ARFGAP3: variants seen among roughly 807,000 people sequenced by gnomAD.
ARFGAP3 encodes the protein ARF GTPase activating protein 3.
Under a neutral mutation model 75.0 loss-of-function variants are expected in ARFGAP3, and 72 were observed. That is an observed-to-expected ratio of 0.96 (90% confidence interval 0.79 to 1.17). The LOEUF is 1.17. Ranked by LOEUF, ARFGAP3 falls within the 50% of genes most tolerant of loss-of-function variation. ARFGAP3 has a pLI of 0.00. For synonymous variants in ARFGAP3, 221 were observed against 217.9 expected (o/e 1.01, Z -0.13); for missense variants, 620 against 626.6 (o/e 0.99, Z 0.11).
At chr22:42,834,458 T>G in intron 4 of ARFGAP3, 133 bp from the exon 5 acceptor site, 2 of 1,460,864 alleles carry the variant, frequency 1.4e-6, no homozygotes, top group East Asian at 2.5e-5. Flanking sequence ...ATCAGTAACA[T>G]CCCTACAGAG....
intron 12 of ARFGAP3, among the ~76,000 whole-genome samples, chr22:42,809,259 C>T (rs1925259236): frequency 6.6e-6 from 1 of 152,172 alleles, no homozygotes; most frequent in South Asian, 2.1e-4. Context: ...CAAGTCACAC[C>T]TGTTGTCCCA....
At chr22:42,823,101 C>T (rs1424181667) in intron 8 of ARFGAP3, among the ~76,000 whole-genome samples, 7 of 152,032 alleles carry the variant, frequency 4.6e-5, no homozygotes, top group Admixed American at 2.0e-4. Flanking sequence ...TGAGTCACTA[C>T]GCCTGGCCTA....
Position 42,857,221 on chromosome 22 carries a change from C to T in ARFGAP3, c.-39G>A. 1 of 1,497,136 alleles carries T rather than the reference C, an allele frequency of 6.7e-7. No homozygotes were observed. The highest frequency in any genetic ancestry group is 8.9e-7 in the Non-Finnish European group (1 of 1,119,588). 92.7% of individuals were successfully genotyped at this position (1,497,136 alleles called of 1,614,324 possible). A position where few individuals can be genotyped will look rare whatever the true frequency, so the allele number is the denominator to read the frequency against. Reference sequence around the variant, plus strand: ...CCGCGGCGCAGCTGGCCCAGCCAACCGGTAAGAGTCGACGAAAAGCGGCTA... The same window carrying T: ...CCGCGGCGCAGCTGGCCCAGCCAACTGGTAAGAGTCGACGAAAAGCGGCTA... On this transcript the variant is annotated 5_prime_UTR_variant, in exon 1 of 16. Transcript: ENST00000263245.
intron 11 of ARFGAP3, among the ~76,000 whole-genome samples, chr22:42,816,856 CA>C (rs1285307558): frequency 2.6e-5 from 4 of 152,166 alleles, no homozygotes; most frequent in Non-Finnish European, 5.9e-5. Flanking sequence ...CAGGATTTTG[CA>C]GTTTTCTCCA....
chr22:42,820,488 T>C (rs1487909979), intron 9 of ARFGAP3, among the ~76,000 whole-genome samples: 4 of 152,230 alleles, frequency 2.6e-5, no homozygotes, highest in African/African-American at 7.2e-5. Flanking sequence ...GTACGAAAAG[T>C]AGTTGCATTT....
chr22:42,836,903 A>T (rs1026685511), intron 3 of ARFGAP3, among the ~76,000 whole-genome samples: 1 of 152,182 alleles, frequency 6.6e-6, no homozygotes, highest in Non-Finnish European at 1.5e-5. Flanking sequence ...CAAGGGACAG[A>T]GTTAGGATTC....
intron 14 of ARFGAP3, among the ~76,000 whole-genome samples, chr22:42,802,223 G>A (rs1924893028): frequency 6.6e-6 from 1 of 152,034 alleles, no homozygotes; most frequent in Admixed American, 6.5e-5. Context: ...CTGATCATAT[G>A]GGTCTATGGT....
chr22:42,857,058 T>A, intron 1 of ARFGAP3, 56 bp downstream of exon 1: 1 of 1,463,334 alleles, frequency 6.8e-7, no homozygotes, highest in Non-Finnish European at 9.1e-7. Flanking sequence ...CCGCGGGGCC[T>A]CCCGCCGGTT....
intron 9 of ARFGAP3, among the ~76,000 whole-genome samples, chr22:42,820,598 T>A (rs555730730): frequency 6.6e-6 from 1 of 152,346 alleles, no homozygotes; most frequent in Non-Finnish European, 1.5e-5. Context: ...ATAGGTGTTA[T>A]TTTCTTCATC....
intron 6 of ARFGAP3, among the ~76,000 whole-genome samples, chr22:42,829,828 T>C (rs991570363): frequency 1.3e-5 from 2 of 152,250 alleles, no homozygotes; most frequent in East Asian, 1.9e-4. Flanking sequence ...AGGATAATCA[T>C]ATTTTCATGT....
At chr22:42,839,123 G>GAAAA (rs59529328) in intron 3 of ARFGAP3, among the ~76,000 whole-genome samples, 1 of 128,774 alleles carries the variant, frequency 7.8e-6, no homozygotes. Flanking sequence ...AAAAAAAAAA[G>GAAAA]AAAAAAAAAA....
chr22:42,845,370 C>T lies in ARFGAP3; in HGVS notation c.188+2144G>A, dbSNP rs564350191. 5.9e-5 allele frequency among the ~76,000 whole-genome samples: 9 copies of T among 152,120 alleles called. No homozygotes were observed. The South Asian group carries it at 1.0e-3, about 18-fold the overall frequency. On this transcript the variant is annotated intron_variant, in intron 2 of 15. Coordinates refer to ENST00000263245, the MANE Select transcript of ARFGAP3 (RefSeq NM_014570.5). The stretch of plus-strand genomic sequence containing the variant: ...CGAAACTCTGTCTCTACTAAAAGTA[C>T]AAAACTTAGATGGACGTGGTGGCAC...
intron 7 of ARFGAP3, chr22:42,823,906 C>T (rs1165812736): frequency 1.1e-5 from 3 of 278,042 alleles, no homozygotes; most frequent in African/African-American, 4.6e-5. Context: ...TCAGTATTTC[C>T]ACGCAGTCTC....
intron 13 of ARFGAP3, 118 bp downstream of exon 13, chr22:42,808,649 C>T: frequency 3.8e-6 from 3 of 793,628 alleles, no homozygotes; most frequent in South Asian, 2.1e-5. Context: ...CACTTTCAGG[C>T]CAGAGGGCAT....
At chr22:42,823,831 T>G in intron 7 of ARFGAP3, 129 bp from the exon 8 acceptor site, 2 of 1,156,018 alleles carry the variant, frequency 1.7e-6, no homozygotes, top group Non-Finnish European at 2.3e-6. Flanking sequence ...CTTTAGTTTC[T>G]CATCCAGAAG....
chr22:42,819,417 C>G (rs1925717062), intron 9 of ARFGAP3, among the ~76,000 whole-genome samples: 1 of 152,200 alleles, frequency 6.6e-6, no homozygotes, highest in South Asian at 2.1e-4. Flanking sequence ...CCTAGGTAAT[C>G]TGACATGGAC....
chr22:42,847,380 T>C (rs1927068682), intron 2 of ARFGAP3, 134 bp downstream of exon 2: 2 of 714,642 alleles, frequency 2.8e-6, no homozygotes, highest in Non-Finnish European at 4.8e-6. Flanking sequence ...CAGTGAGCTA[T>C]GATGGCACTC....
intron 3 of ARFGAP3, among the ~76,000 whole-genome samples, chr22:42,839,106 T>G: frequency 9.7e-6 from 1 of 103,496 alleles, no homozygotes; most frequent in African/African-American, 3.9e-5. Context: ...CAAGATTCCG[T>G]CTCAAAAAAA....
chr22:42,811,090 C>A, intron 11 of ARFGAP3, 146 bp from the exon 12 acceptor site: 1 of 1,320,976 alleles, frequency 7.6e-7, no homozygotes, highest in Non-Finnish European at 1.0e-6. Context: ...CAGGAGCAGA[C>A]ACGAGGTGTG....
Sources: gnomAD v4.1 joint callset for allele counts (sites outside exome capture counted in the v4.1 genomes callset) on GRCh38, gnomAD v4.1.1 for gene constraint, MANE v1.5 for transcripts, NCBI Gene and HGNC (gene_info 2026-07-23, HGNC 2026-07-21) for gene names.